Variants in OLFML2A observed in about 807,000 individuals in gnomAD.
OLFML2A encodes olfactomedin-like protein 2A.
OLFML2A carries 47 observed loss-of-function variants against 60.9 expected under a neutral mutation model. The ratio of observed to expected loss-of-function variants is 0.77; its 90% CI spans 0.61 to 0.98. The LOEUF (loss-of-function observed/expected upper bound fraction) is 0.98. Among genes scored for constraint, OLFML2A ranks in the 50% least tolerant of loss-of-function variants. OLFML2A has a pLI of 0.00. For missense variants in OLFML2A, 922 were observed against 879.8 expected, an observed-to-expected ratio of 1.05 and a Z score of -0.61; for synonymous variants, 372 against 375.0, an observed-to-expected ratio of 0.99 and a Z score of 0.09.
Position 124,778,347 on chromosome 9 carries a change from C to A in OLFML2A, c.90+987C>A, listed in dbSNP as rs549857535. 2.9e-3 allele frequency among the ~76,000 whole-genome samples: 427 copies of A among 146,952 alleles called. 2 individuals carry two copies. Among genetic ancestry groups the A allele is most frequent in the African/African-American group, 0.01 (405 of 39,504 alleles). ...CTGCACTCCAGCCTGGGCGACAGAG[C>A]GAGACTCCGTGTCAAAAAAAAAAAG... On this transcript the variant is annotated intron_variant, in intron 1 of 7. Transcript: ENST00000373580.
chr9:124,800,958 A>G, intron 4 of OLFML2A: 7 of 1,541,098 alleles, frequency 4.5e-6, no homozygotes, highest in Non-Finnish European at 5.3e-6. Context: ...TTTCAGTGCT[A>G]AAACTAGGAA....
rs1842075814 is a variant in OLFML2A, at chr9:124,814,241, G to C, written c.*3829G>C. The C allele has an allele frequency of 6.6e-6, 1 of 152,274 alleles. No homozygotes were observed. The highest frequency in any genetic ancestry group is 1.5e-5 in the Non-Finnish European group (1 of 68,068). 9.4% of individuals were successfully genotyped at this position (152,274 alleles called of 1,614,324 possible). ...CGTCTTTAACTCTGGGATAGCATTG[G>C]AAGCCGCTGTCATGACAGGACATGG... On this transcript the variant is annotated 3_prime_UTR_variant, in exon 8 of 8. Transcript: ENST00000373580.
Position 124,812,247 on chromosome 9 carries a change from G to GC in OLFML2A, c.*1840dup, listed in dbSNP as rs1048680508. 2.7e-5 allele frequency: 4 copies of GC among 150,640 alleles called. No homozygotes were observed. Among genetic ancestry groups the GC allele is most frequent in the African/African-American group, 9.8e-5 (4 of 40,750 alleles). The allele number at this position is 150,640 out of a possible 1,614,324, so 9.3% of individuals were successfully genotyped here. On this transcript the variant is annotated 3_prime_UTR_variant, in exon 8 of 8. Transcript: ENST00000373580. Reference sequence around the variant, plus strand: ...GCGATCTCGGCTCACTGCAACCTCTGCCCCCTGGGTTCAAGCGATTCTCCT... The same window carrying GC: ...GCGATCTCGGCTCACTGCAACCTCTGCCCCCCTGGGTTCAAGCGATTCTCCT...
intron 7 of OLFML2A, among the ~76,000 whole-genome samples, chr9:124,808,272 T>C (rs1011756192): frequency 6.6e-6 from 1 of 152,206 alleles, no homozygotes; most frequent in Non-Finnish European, 1.5e-5. Context: ...TGAGTTTCCA[T>C]TTGTTGAACG....
intron 4 of OLFML2A, chr9:124,800,735 G>A (rs1841757258): frequency 1.1e-6 from 1 of 885,322 alleles, no homozygotes; most frequent in Non-Finnish European, 1.5e-6. Flanking sequence ...AAGGCACCCA[G>A]CTACTGTACT....
intron 6 of OLFML2A, 144 bp downstream of exon 6, chr9:124,804,486 G>A: frequency 3.8e-6 from 3 of 794,144 alleles, no homozygotes; most frequent in Non-Finnish European, 5.8e-6. Flanking sequence ...CACTTTGGGA[G>A]GCCAAGGTGG....
Position 124,787,217 on chromosome 9 carries a change from G to A in OLFML2A, c.333G>A (p.Lys111=), listed in dbSNP as rs1841492371. The part of the protein sequence containing the change: ...ENEWKMEKLK[K]QAPELLKLQS... ...AGTGGAAGATGGAGAAACTCAAAAA[G>A]CAGGCGCCCGAGCTCCTCAAGGTAG... Residue 111 remains lysine, a synonymous_variant, in exon 2 of 8, where the codon AAG becomes AAA. Coordinates refer to ENST00000373580, the MANE Select transcript of OLFML2A (RefSeq NM_182487.4). The A allele has an allele frequency of 6.2e-7, 1 of 1,613,954 alleles. No individual in the cohort carries two copies. Among genetic ancestry groups the A allele is most frequent in the African/African-American group, 1.3e-5 (1 of 74,922 alleles).
At chr9:124,799,581 G>A in intron 4 of OLFML2A, 90 bp downstream of exon 4, 3 of 1,069,830 alleles carry the variant, frequency 2.8e-6, no homozygotes, top group Non-Finnish European at 2.7e-6. Context: ...TCAGCTCGAT[G>A]GGGGTTTGGG....
chr9:124,796,538 C>A (rs1317369100), intron 3 of OLFML2A, among the ~76,000 whole-genome samples: 1 of 152,178 alleles, frequency 6.6e-6, no homozygotes, highest in African/African-American at 2.4e-5. Context: ...TCTTGCATTG[C>A]TCCTGTTAAC....
chr9:124,785,022 TG>T (rs1273632636), intron 1 of OLFML2A, among the ~76,000 whole-genome samples: 3 of 134,780 alleles, frequency 2.2e-5, no homozygotes, highest in Non-Finnish European at 4.7e-5. Context: ...GGCCTGATCA[TG>T]GCTCACTGCA....
intron 3 of OLFML2A, among the ~76,000 whole-genome samples, chr9:124,795,822 A>G (rs1841658714): frequency 6.6e-6 from 1 of 152,230 alleles, no homozygotes; most frequent in Admixed American, 6.5e-5. Context: ...AAAACATGGC[A>G]GGACTGACCG....
rs909012329 is a variant in OLFML2A, at chr9:124,813,791, G to T, written c.*3379G>T. Reference sequence around the variant, plus strand: ...GGAAGGGAAAGGTTTTTCTTGTAGGGAACTGGAACCAGCCCACAACTGCAC... The same window carrying T: ...GGAAGGGAAAGGTTTTTCTTGTAGGTAACTGGAACCAGCCCACAACTGCAC... On this transcript the variant is annotated 3_prime_UTR_variant, in exon 8 of 8. Coordinates refer to ENST00000373580, the MANE Select transcript of OLFML2A (RefSeq NM_182487.4). 2 of 151,206 alleles carry T rather than the reference G, an allele frequency of 1.3e-5. No homozygotes were observed. Among genetic ancestry groups the T allele is most frequent in the Non-Finnish European group, 3.0e-5 (2 of 67,352 alleles). 9.4% of individuals were successfully genotyped at this position (151,206 alleles called of 1,614,324 possible).
intron 1 of OLFML2A, chr9:124,778,985 C>T (rs987761221): frequency 1.0e-6 from 1 of 984,116 alleles, no homozygotes; most frequent in Non-Finnish European, 1.2e-6. Flanking sequence ...CCACTAGCCA[C>T]ACGGTGAGTA....
rs77552401 is a variant in OLFML2A at position 124,804,209 on chromosome 9, C to T, written c.1035C>T (p.Ser345=). Residue 345 remains serine, a synonymous_variant, in exon 6 of 8, where the codon TCC becomes TCT. Transcript: ENST00000373580. ...AEQDEAEPRS[S]ERVDLASGTP... ...AGGATGAGGCTGAGCCCAGGTCCTC[C>T]GAGCGAGTGGACCTGGCTTCTGGCA... 1.9e-3 allele frequency: 3,057 copies of T among 1,614,052 alleles called. 51 individuals carry two copies. In the African/African-American group the frequency reaches 0.036, roughly 19 times the overall value.
intron 7 of OLFML2A, among the ~76,000 whole-genome samples, chr9:124,809,565 C>G (rs1010335341): frequency 6.6e-6 from 1 of 151,688 alleles, no homozygotes; most frequent in South Asian, 2.1e-4. Context: ...CCTAGCTGTG[C>G]CATTCCAGAG....
chr9:124,798,726 C>CA (rs59669639), intron 3 of OLFML2A, among the ~76,000 whole-genome samples: 10,538 of 64,766 alleles, frequency 0.16, 1,047 homozygotes, highest in East Asian at 0.55. Flanking sequence ...CCCAGCTACT[C>CA]AAAAAAAAAA....
intron 6 of OLFML2A, among the ~76,000 whole-genome samples, chr9:124,805,807 G>GGTTTTTT (rs1841884765): frequency 3.5e-5 from 4 of 115,442 alleles, no homozygotes; most frequent in African/African-American, 1.3e-4. Context: ...TGGTTTTTTT[G>GGTTTTTT]GTTTTTTTTT....
At chr9:124,798,653 A>G (rs938911085) in intron 3 of OLFML2A, among the ~76,000 whole-genome samples, 2 of 151,234 alleles carry the variant, frequency 1.3e-5, no homozygotes, top group African/African-American at 2.4e-5. Context: ...GGCCCACATG[A>G]TGAAACCGTG....
chr9:124,789,550 G>T (rs966661087), intron 2 of OLFML2A, among the ~76,000 whole-genome samples: 1 of 152,166 alleles, frequency 6.6e-6, no homozygotes, highest in African/African-American at 2.4e-5. Context: ...TTTATAATGG[G>T]CACCAAGGAT....
Sources: allele counts gnomAD v4.1 joint callset (sites outside exome capture counted in the v4.1 genomes callset), GRCh38; gene constraint gnomAD v4.1.1; transcripts MANE v1.5; gene names NCBI Gene and HGNC (gene_info 2026-07-23, HGNC 2026-07-21).